The following RBFOX1 variants were observed in gnomAD, a reference collection of about 807,000 sequenced individuals.
The protein encoded by RBFOX1 is RNA binding fox-1 homolog 1.
In RBFOX1, 8 loss-of-function variants were observed where a neutral mutation model predicts 57.7. That is an observed-to-expected ratio of 0.14 (90% CI 0.08 to 0.25). RBFOX1 has a LOEUF of 0.25. Ranked by LOEUF, RBFOX1 falls within the 10% of genes least tolerant of loss-of-function variation. RBFOX1 has a pLI of 1.00. For missense variants in RBFOX1, 611 were observed against 548.5 expected (o/e 1.11, Z -1.14); for synonymous variants, 326 against 222.4 (o/e 1.47, Z -4.15).
chr16:6,901,555 A>T (rs2068500254), intron 3 of RBFOX1, among the ~76,000 whole-genome samples: 1 of 152,166 alleles, frequency 6.6e-6, no homozygotes, highest in African/African-American at 2.4e-5. Flanking sequence ...ATTTTTGTTT[A>T]TGTAGTGGAA....
chr16:6,817,313 C>G (rs192485778), intron 3 of RBFOX1, among the ~76,000 whole-genome samples: 6 of 152,174 alleles, frequency 3.9e-5, no homozygotes, highest in African/African-American at 1.4e-4. Context: ...ACCAAAGCCC[C>G]TCTCCCATGT....
At chr16:6,137,836 C>T (rs554733515) in intron 1 of RBFOX1, among the ~76,000 whole-genome samples, 44 of 152,026 alleles carry the variant, frequency 2.9e-4, no homozygotes, top group African/African-American at 6.8e-4. Flanking sequence ...CTTGAAACTC[C>T]GGGGCTCCAG....
At chr16:5,245,996 C>T (rs2062289776) in intron 1 of RBFOX1, among the ~76,000 whole-genome samples, 2 of 152,174 alleles carry the variant, frequency 1.3e-5, no homozygotes, top group Non-Finnish European at 2.9e-5. Flanking sequence ...GTAATACCAG[C>T]ACTTTGGGAG....
chr16:6,858,290 C>G (rs1220188471), intron 3 of RBFOX1, among the ~76,000 whole-genome samples: 1 of 152,188 alleles, frequency 6.6e-6, no homozygotes, highest in Non-Finnish European at 1.5e-5. Flanking sequence ...GGTCTTCCCT[C>G]TCTGTGTTGA....
intron 1 of RBFOX1, among the ~76,000 whole-genome samples, chr16:6,178,330 G>A (rs1292917294): frequency 6.6e-6 from 1 of 151,698 alleles, no homozygotes; most frequent in Non-Finnish European, 1.5e-5. Flanking sequence ...GGGATTACAG[G>A]CACGCGCCAC....
At chr16:6,635,045 T>C (rs2098420750) in intron 2 of RBFOX1, among the ~76,000 whole-genome samples, 1 of 139,590 alleles carries the variant, frequency 7.2e-6, no homozygotes, top group African/African-American at 2.6e-5. Flanking sequence ...ACATGCATAT[T>C]TTAATAGTTT....
At chr16:5,310,464 C>G (rs1347386113) in intron 1 of RBFOX1, among the ~76,000 whole-genome samples, 1 of 151,992 alleles carries the variant, frequency 6.6e-6, no homozygotes, top group African/African-American at 2.4e-5. Flanking sequence ...TCAACATTTT[C>G]CAGGTATAGT....
intron 5 of RBFOX1, 32 bp from the exon 6 acceptor site, chr16:7,579,744 GA>G: frequency 1.9e-6 from 3 of 1,613,744 alleles, no homozygotes; most frequent in Non-Finnish European, 2.5e-6. Flanking sequence ...GTGGTCCACT[GA>G]GAACCTCTTC....
chr16:6,337,440 G>A (rs1269857388), intron 2 of RBFOX1, among the ~76,000 whole-genome samples: 1 of 152,210 alleles, frequency 6.6e-6, no homozygotes, highest in Non-Finnish European at 1.5e-5. Flanking sequence ...ATATTTGCAG[G>A]TGAAAGAACG....
At chr16:6,931,414 C>G (rs1216926276) in intron 3 of RBFOX1, among the ~76,000 whole-genome samples, 1 of 151,522 alleles carries the variant, frequency 6.6e-6, no homozygotes, top group East Asian at 1.9e-4. Flanking sequence ...TGTGCATGAA[C>G]CACTAAAGGC....
At chr16:6,785,029 G>C (rs76353323) in intron 3 of RBFOX1, among the ~76,000 whole-genome samples, 1 of 151,196 alleles carries the variant, frequency 6.6e-6, no homozygotes, top group East Asian at 1.9e-4. Flanking sequence ...ACTTCTGAGT[G>C]AAAAAAAATA....
At chr16:6,866,113 C>G (rs548392294) in intron 3 of RBFOX1, among the ~76,000 whole-genome samples, 120 of 152,178 alleles carry the variant, frequency 7.9e-4, no homozygotes, top group African/African-American at 2.9e-3. Context: ...TTCCCCTCTC[C>G]TTTTCTTTCC....
chr16:6,886,793 AC>A lies in RBFOX1; in HGVS notation c.-15-165262del, dbSNP rs905719612. 7.3e-5 allele frequency among the ~76,000 whole-genome samples: 11 copies of A among 151,614 alleles called. No individual in the cohort carries two copies. The Middle Eastern group carries it at 0.014, about 188-fold the overall frequency. Reference sequence around the variant, plus strand: ...CAAAACAAAACAAAACAAAAAAAAAACCAGAAAAAAAAAGAATGAAAATGTG... The same window carrying A: ...CAAAACAAAACAAAACAAAAAAAAAACAGAAAAAAAAAGAATGAAAATGTG... On this transcript the variant is annotated intron_variant, in intron 3 of 15. Transcript: ENST00000550418.
rs561360331 is a variant in RBFOX1 at position 6,623,109 on chromosome 16, C to T, written c.-63-31494C>T. Among the ~76,000 whole-genome samples, 176 of 152,190 alleles carry T rather than the reference C, an allele frequency of 1.2e-3. 3 individuals carry two copies. The highest frequency in any genetic ancestry group is 9.9e-3 in the South Asian group (48 of 4,826). On this transcript the variant is annotated intron_variant, in intron 2 of 15. Transcript: ENST00000550418. ...TGTGTCCCTTGAAGTATTATGGAAA[C>T]GGGAAACATATGGGTGGACTGGCAC...
intron 1 of RBFOX1, among the ~76,000 whole-genome samples, chr16:6,076,600 C>A (rs1034856000): frequency 4.0e-5 from 6 of 151,838 alleles, no homozygotes; most frequent in Non-Finnish European, 5.9e-5. Flanking sequence ...CCCAGTCTTG[C>A]CTTTTAAGAG....
At chr16:7,265,800 A>T (rs117384884) in intron 4 of RBFOX1, among the ~76,000 whole-genome samples, 2,858 of 151,904 alleles carry the variant, frequency 0.019, 47 homozygotes, top group Non-Finnish European at 0.032. Flanking sequence ...ATTACCTTTG[A>T]TATAGTTTGG....
At chr16:5,957,746 A>G (rs74411103) in intron 4 of RBFOX1, among the ~76,000 whole-genome samples, 3,319 of 152,256 alleles carry the variant, frequency 0.022, 127 homozygotes, top group African/African-American at 0.073. Context: ...CACGCATGCA[A>G]TGTACCACAG....
At chr16:6,234,568 G>T (rs560442783) in intron 1 of RBFOX1, among the ~76,000 whole-genome samples, 5 of 152,294 alleles carry the variant, frequency 3.3e-5, no homozygotes, top group Non-Finnish European at 7.4e-5. Context: ...AAATGGGGTG[G>T]ATGTGTGGGG....
intron 1 of RBFOX1, among the ~76,000 whole-genome samples, chr16:5,411,490 C>G (rs1382677062): frequency 6.6e-6 from 1 of 152,192 alleles, no homozygotes; most frequent in Non-Finnish European, 1.5e-5. Context: ...CTGTCGATAC[C>G]TTGATTCTAG....
Sources: gnomAD v4.1 joint callset for allele counts (sites outside exome capture counted in the v4.1 genomes callset) on GRCh38, gnomAD v4.1.1 for gene constraint, MANE v1.5 for transcripts, NCBI Gene and HGNC (gene_info 2026-07-23, HGNC 2026-07-21) for gene names.